PTPN4: variants seen among roughly 807,000 people sequenced by gnomAD.
PTPN4 encodes the protein protein tyrosine phosphatase non-receptor type 4.
In PTPN4, 49 loss-of-function variants were observed where a neutral mutation model predicts 135.5. The ratio of observed to expected loss-of-function variants is 0.36; its 90% confidence interval spans 0.29 to 0.46. PTPN4 has a LOEUF of 0.46. Among genes scored for constraint, PTPN4 ranks in the 20% least tolerant of loss-of-function variants. PTPN4 has a pLI of 1.00. For missense variants in PTPN4, 860 were observed against 1,101.0 expected, an observed-to-expected ratio of 0.78 and a Z score of 3.10; for synonymous variants, 333 against 369.9, an observed-to-expected ratio of 0.90 and a Z score of 1.14.
intron 10 of PTPN4, among the ~76,000 whole-genome samples, chr2:119,904,777 G>A (rs575976831): frequency 6.6e-6 from 1 of 152,236 alleles, no homozygotes; most frequent in African/African-American, 2.4e-5. Flanking sequence ...AATGCTGACT[G>A]AGGATACATC....
intron 24 of PTPN4, 120 bp from the exon 25 acceptor site, chr2:119,965,377 G>A (rs746871108): frequency 2.7e-4 from 260 of 965,716 alleles, no homozygotes; most frequent in Non-Finnish European, 3.7e-4. Context: ...TAAGTGTGCT[G>A]CAAGCTGTGT....
chr2:119,948,675 A>C (rs900152138), intron 18 of PTPN4, among the ~76,000 whole-genome samples: 2 of 152,152 alleles, frequency 1.3e-5, no homozygotes, highest in Non-Finnish European at 2.9e-5. Context: ...AAATAATCAA[A>C]ATGCTCATCG....
At chr2:119,776,519 A>G (rs1459700382) in intron 1 of PTPN4, among the ~76,000 whole-genome samples, 1 of 152,130 alleles carries the variant, frequency 6.6e-6, no homozygotes, top group African/African-American at 2.4e-5. Context: ...GCCCAACAGA[A>G]ATTACTATGT....
intron 1 of PTPN4, among the ~76,000 whole-genome samples, chr2:119,799,752 G>T (rs1403709590): frequency 6.6e-6 from 1 of 152,158 alleles, no homozygotes; most frequent in Non-Finnish European, 1.5e-5. Context: ...AGGAAAAGAC[G>T]TTAAAGCTGA....
At chr2:119,844,770 T>G (rs1574365689) in intron 2 of PTPN4, among the ~76,000 whole-genome samples, 2 of 129,182 alleles carry the variant, frequency 1.5e-5, no homozygotes, top group African/African-American at 3.0e-5. Context: ...CTTTCCAGAC[T>G]GGGCAGCCAG....
At chr2:119,854,803 A>T (rs190675640) in intron 2 of PTPN4, among the ~76,000 whole-genome samples, 7 of 152,342 alleles carry the variant, frequency 4.6e-5, no homozygotes, top group African/African-American at 1.4e-4. Flanking sequence ...ACCCGGGCTG[A>T]AGCCTGCGTT....
chr2:119,858,696 T>C (rs1677716438), intron 2 of PTPN4, among the ~76,000 whole-genome samples: 1 of 152,002 alleles, frequency 6.6e-6, no homozygotes, highest in Non-Finnish European at 1.5e-5. Context: ...TTGCCCAGGC[T>C]GGAGTGCAGT....
At chr2:119,912,376 G>C (rs887600691) in intron 10 of PTPN4, among the ~76,000 whole-genome samples, 6 of 152,078 alleles carry the variant, frequency 3.9e-5, no homozygotes, top group African/African-American at 1.4e-4. Context: ...GGTTTGATAA[G>C]TACACATGTA....
chr2:119,862,864 T>G (rs1031215337), intron 3 of PTPN4, among the ~76,000 whole-genome samples: 4 of 152,146 alleles, frequency 2.6e-5, no homozygotes, highest in African/African-American at 4.8e-5. Context: ...GTAATGTCAC[T>G]TTCATTAATT....
chr2:119,831,458 A>G (rs911232683), intron 2 of PTPN4, among the ~76,000 whole-genome samples: 5 of 152,214 alleles, frequency 3.3e-5, no homozygotes, highest in African/African-American at 1.2e-4. Context: ...CTACCCTTAT[A>G]GAAGCACCAC....
intron 13 of PTPN4, among the ~76,000 whole-genome samples, chr2:119,928,586 T>A (rs1003963173): frequency 6.6e-6 from 1 of 152,152 alleles, no homozygotes; most frequent in Non-Finnish European, 1.5e-5. Flanking sequence ...AATCCTATAA[T>A]TTAAACCTGT....
At chr2:119,780,836 A>G (rs1053248956) in intron 1 of PTPN4, among the ~76,000 whole-genome samples, 6 of 152,188 alleles carry the variant, frequency 3.9e-5, no homozygotes, top group African/African-American at 1.4e-4. Flanking sequence ...GTATCTTGTT[A>G]CCCAACAACT....
intron 9 of PTPN4, among the ~76,000 whole-genome samples, chr2:119,896,029 A>G (rs1678318986): frequency 6.6e-6 from 1 of 152,190 alleles, no homozygotes; most frequent in Non-Finnish European, 1.5e-5. Flanking sequence ...CAGTTTAAAT[A>G]TCATTTTTTT....
At position 119,882,511 on chromosome 2, in the gene PTPN4, G is replaced by A; in HGVS notation, c.475G>A (p.Gly159Arg). The A allele has an allele frequency of 6.6e-7, 1 of 1,525,276 alleles. No individual in the cohort carries two copies. The highest frequency in any genetic ancestry group is 8.8e-7 in the Non-Finnish European group (1 of 1,131,622). 94.5% of individuals were successfully genotyped at this position (1,525,276 alleles called of 1,614,324 possible). A position where few individuals can be genotyped will look rare whatever the true frequency, so the allele number is the denominator to read the frequency against. Residue 159 changes from glycine to arginine, a missense_variant, in exon 8 of 27, where the codon GGA (glycine) becomes AGA (arginine). By Grantham distance (125) the Gly-to-Arg change is moderately radical (BLOSUM62 -2). Coordinates refer to ENST00000263708, the MANE Select transcript of PTPN4 (RefSeq NM_002830.4). ...LASFAVQSEL[G>R]DYDQSENLSG... The stretch of plus-strand genomic sequence containing the variant: ...TTTCCTTTCATTATTAGCTGAACTT[G>A]GAGACTACGATCAGTCAGAGAACTT...
chr2:119,782,867 G>A (rs1384334788), intron 1 of PTPN4, among the ~76,000 whole-genome samples: 3 of 131,886 alleles, frequency 2.3e-5, no homozygotes, highest in East Asian at 4.0e-4. Context: ...CACTACTCCC[G>A]GCTAATTAAA....
intron 15 of PTPN4, among the ~76,000 whole-genome samples, chr2:119,941,630 A>G (rs1275512626): frequency 1.3e-5 from 2 of 152,204 alleles, no homozygotes; most frequent in Non-Finnish European, 2.9e-5. Context: ...CTTTAATAAG[A>G]AAGTTACATA....
intron 2 of PTPN4, among the ~76,000 whole-genome samples, chr2:119,821,748 G>A (rs1055901047): frequency 6.6e-6 from 1 of 152,138 alleles, no homozygotes; most frequent in African/African-American, 2.4e-5. Context: ...AATATCTTGT[G>A]TGGGATGTGT....
At chr2:119,906,569 C>G (rs542275128) in intron 10 of PTPN4, among the ~76,000 whole-genome samples, 42 of 152,162 alleles carry the variant, frequency 2.8e-4, no homozygotes, top group Non-Finnish European at 5.4e-4. Context: ...AAAAACCATG[C>G]AGTCATCTCA....
intron 18 of PTPN4, among the ~76,000 whole-genome samples, chr2:119,949,418 A>T (rs571783155): frequency 6.6e-6 from 1 of 152,170 alleles, no homozygotes; most frequent in African/African-American, 2.4e-5. Flanking sequence ...ATGGGATTCA[A>T]ATATTTTATT....
Sources: allele counts gnomAD v4.1 joint callset (sites outside exome capture counted in the v4.1 genomes callset), GRCh38; gene constraint gnomAD v4.1.1; transcripts MANE v1.5; gene names NCBI Gene and HGNC (gene_info 2026-07-23, HGNC 2026-07-21).